The following ROBO1 variants were observed in gnomAD, a reference collection of about 807,000 sequenced individuals.
ROBO1 encodes roundabout homolog 1.
In ROBO1, 149 loss-of-function variants were observed where a neutral mutation model predicts 195.9. The ratio of observed to expected loss-of-function variants is 0.76; its 90% CI spans 0.67 to 0.87. The LOEUF (loss-of-function observed/expected upper bound fraction) is 0.87, where lower values mean the gene tolerates loss of function less well. ROBO1 is among the 40% of genes least tolerant of loss of function. The probability of loss-of-function intolerance (pLI) is 0.00; values close to 1 mark genes in which losing one functional copy is unlikely to be tolerated. For missense variants in ROBO1, 1,933 were observed against 2,068.3 expected (o/e 0.93, Z 1.27); for synonymous variants, 816 against 733.2 (o/e 1.11, Z -1.82).
chr3:79,552,835 G>A (rs114110764), intron 2 of ROBO1, among the ~76,000 whole-genome samples: 123 of 152,156 alleles, frequency 8.1e-4, no homozygotes, highest in Middle Eastern at 3.4e-3. Context: ...CTTTCACACT[G>A]TAATTCCTTA....
At chr3:79,304,845 C>G (rs903681593) in intron 2 of ROBO1, among the ~76,000 whole-genome samples, 1 of 152,090 alleles carries the variant, frequency 6.6e-6, no homozygotes, top group Non-Finnish European at 1.5e-5. Flanking sequence ...TGTAAACATT[C>G]TTTATATGGA....
chr3:79,058,665 C>T (rs940261356), intron 3 of ROBO1, among the ~76,000 whole-genome samples: 6 of 150,960 alleles, frequency 4.0e-5, no homozygotes, highest in Non-Finnish European at 8.9e-5. Context: ...AACAATCAAA[C>T]TGTCCAATGC....
chr3:78,711,439 CT>C (rs1478645259), intron 8 of ROBO1, among the ~76,000 whole-genome samples: 39 of 114,974 alleles, frequency 3.4e-4, no homozygotes, highest in African/African-American at 1.4e-3. Context: ...TTCTTTCTTT[CT>C]TTCCTTCCTT....
chr3:78,738,394 T>G (rs1040917842), intron 5 of ROBO1, among the ~76,000 whole-genome samples: 1 of 152,210 alleles, frequency 6.6e-6, no homozygotes. Flanking sequence ...TAGTTATTTT[T>G]GGTTTATTGG....
chr3:79,709,876 C>G (rs1702206017), intron 1 of ROBO1, among the ~76,000 whole-genome samples: 1 of 152,128 alleles, frequency 6.6e-6, no homozygotes, highest in Non-Finnish European at 1.5e-5. Context: ...TATGAGGATA[C>G]AGCAAGAATG....
At chr3:79,761,717 TTACTA>T (rs1200435385) in intron 1 of ROBO1, among the ~76,000 whole-genome samples, 1 of 152,206 alleles carries the variant, frequency 6.6e-6, no homozygotes, top group East Asian at 1.9e-4. Flanking sequence ...GTGATCTAAT[TTACTA>T]TACTCTAAGC....
chr3:79,363,667 C>T (rs2035856097), intron 2 of ROBO1, among the ~76,000 whole-genome samples: 1 of 152,198 alleles, frequency 6.6e-6, no homozygotes, highest in African/African-American at 2.4e-5. Flanking sequence ...TACCCACAGG[C>T]ATTCACATGC....
At chr3:79,329,526 T>C (rs2034346991) in intron 2 of ROBO1, among the ~76,000 whole-genome samples, 1 of 152,228 alleles carries the variant, frequency 6.6e-6, no homozygotes, top group Non-Finnish European at 1.5e-5. Context: ...TTCTTGTTTT[T>C]CAAAATATGT....
At chr3:78,849,422 T>C (rs894273833) in intron 4 of ROBO1, among the ~76,000 whole-genome samples, 1 of 152,100 alleles carries the variant, frequency 6.6e-6, no homozygotes, top group Non-Finnish European at 1.5e-5. Context: ...CAAATTTTTA[T>C]AGGACCTTTT....
At chr3:79,053,301 C>T (rs1250784563) in intron 3 of ROBO1, among the ~76,000 whole-genome samples, 4 of 151,950 alleles carry the variant, frequency 2.6e-5, no homozygotes, top group African/African-American at 9.7e-5. Flanking sequence ...TCCTCCCCCA[C>T]CTAACGATTC....
chr3:78,855,351 T>C (rs1387492369), intron 4 of ROBO1, among the ~76,000 whole-genome samples: 3 of 152,150 alleles, frequency 2.0e-5, no homozygotes, highest in Non-Finnish European at 2.9e-5. Context: ...GTAAGTCTAC[T>C]CTGAGAATTA....
At chr3:79,378,003 C>A (rs547394116) in intron 2 of ROBO1, among the ~76,000 whole-genome samples, 2 of 152,098 alleles carry the variant, frequency 1.3e-5, no homozygotes, top group Non-Finnish European at 2.9e-5. Context: ...TCATGCAAGT[C>A]CCTCAACACC....
intron 2 of ROBO1, among the ~76,000 whole-genome samples, chr3:79,175,641 A>G (rs1196685742): frequency 6.6e-6 from 1 of 152,198 alleles, no homozygotes; most frequent in Non-Finnish European, 1.5e-5. Flanking sequence ...TTATCCTACA[A>G]TAAATGCAAC....
rs566849440 is a variant in ROBO1 at position 79,140,209 on chromosome 3, C to A, written c.89-14670G>T. Among the ~76,000 whole-genome samples, 291 of 152,104 alleles carry A rather than the reference C, an allele frequency of 1.9e-3. 2 individuals are homozygous for A. Among genetic ancestry groups the A allele is most frequent in the African/African-American group, 6.2e-3 (258 of 41,530 alleles). The stretch of plus-strand genomic sequence containing the variant: ...CACTTCCCTTAAGTATGTTAATAAT[C>A]CATGTTCATAAACACTGCTACTGGT... On this transcript the variant is annotated intron_variant, in intron 2 of 30. Transcript: ENST00000464233.
rs2082419153 is a variant in ROBO1, at chr3:78,737,498, T to C, written c.657+9245A>G. ...ACATGCATTTTCTCGCTGAATTCCC[T>C]CAACGACACACTGAACTAATCTAGG... On this transcript the variant is annotated intron_variant, in intron 5 of 30. Transcript: ENST00000464233. Among the ~76,000 whole-genome samples the C allele has an allele frequency of 2.6e-5, 4 of 152,286 alleles. No individual in the cohort carries two copies. The South Asian group carries it at 8.3e-4, about 32-fold the overall frequency.
intron 28 of ROBO1, among the ~76,000 whole-genome samples, chr3:78,608,703 G>A (rs1368641652): frequency 6.6e-6 from 1 of 152,046 alleles, no homozygotes; most frequent in Non-Finnish European, 1.5e-5. Context: ...AAATGTTACT[G>A]GTGTCTGTTC....
At chr3:78,859,066 G>C (rs1211816462) in intron 4 of ROBO1, among the ~76,000 whole-genome samples, 1 of 152,094 alleles carries the variant, frequency 6.6e-6, no homozygotes, top group East Asian at 1.9e-4. Context: ...GCCATGCAGG[G>C]TTTCCAAGTG....
chr3:78,809,262 T>C (rs1220536378), intron 4 of ROBO1, among the ~76,000 whole-genome samples: 3 of 152,116 alleles, frequency 2.0e-5, no homozygotes, highest in Non-Finnish European at 4.4e-5. Context: ...CACTGGTCAT[T>C]AGAGAAACGC....
intron 1 of ROBO1, among the ~76,000 whole-genome samples, chr3:79,707,788 G>A (rs144044283): frequency 0.027 from 4,126 of 152,252 alleles, 178 homozygotes; most frequent in African/African-American, 0.093. Flanking sequence ...GATTACAGGC[G>A]TGGGCCATCA....
Sources: allele counts gnomAD v4.1 joint callset (sites outside exome capture counted in the v4.1 genomes callset), GRCh38; gene constraint gnomAD v4.1.1; transcripts MANE v1.5; gene names NCBI Gene and HGNC (gene_info 2026-07-23, HGNC 2026-07-21).